UNC13A: variants seen among roughly 807,000 people sequenced by gnomAD.
UNC13A encodes the protein unc-13 homolog A.
In UNC13A, 61 loss-of-function variants were observed where a neutral mutation model predicts 219.7. That is an observed-to-expected ratio of 0.28 (90% CI 0.23 to 0.34). The LOEUF is 0.34. UNC13A is among the 10% of genes least tolerant of loss of function. The probability of loss-of-function intolerance (pLI) is 1.00; values close to 1 mark genes in which losing one functional copy is unlikely to be tolerated. For synonymous variants in UNC13A, 920 were observed against 884.6 expected, an observed-to-expected ratio of 1.04 and a Z score of -0.71; for missense variants, 1,476 against 2,270.3, an observed-to-expected ratio of 0.65 and a Z score of 7.11.
chr19:17,632,759 T>A, intron 28 of UNC13A, 23 bp downstream of exon 28: 1 of 1,613,330 alleles, frequency 6.2e-7, no homozygotes, highest in African/African-American at 1.3e-5. Flanking sequence ...TGGCTTGGGT[T>A]GGGCCTGGGG....
chr19:17,629,398 C>A, intron 30 of UNC13A, 75 bp from the exon 31 acceptor site: 1 of 1,362,352 alleles, frequency 7.3e-7, no homozygotes. Context: ...ATCAAGGCCA[C>A]TAGTGAGATC....
chr19:17,627,589 A>G lies in UNC13A; in HGVS notation c.3840T>C (p.Ala1280=). 6.4e-7 allele frequency: 1 copy of G among 1,559,288 alleles called. No homozygotes were observed. Among genetic ancestry groups the G allele is most frequent in the Non-Finnish European group, 8.7e-7 (1 of 1,150,532 alleles). ...GCTCCTTCAGGATGTCACTGGCTTCAGCATCCAGCTAAGGAGGGAGAAGGG... is the reference window on the plus strand; with the variant it reads ...GCTCCTTCAGGATGTCACTGGCTTCGGCATCCAGCTAAGGAGGGAGAAGGG... ...FEAMGGKELD[A]EASDILKELQ... is the part of the protein sequence containing the mutation. Residue 1280 remains alanine, a synonymous_variant, in exon 33 of 44, where the codon GCT becomes GCC. Coordinates refer to ENST00000519716, the MANE Select transcript of UNC13A (RefSeq NM_001080421.3). This position sits in a 1 kb window ranked among gnomAD's most constrained non-coding sequence, Gnocchi z 4.7.
At chr19:17,609,649 C>T (rs2076580663) in intron 43 of UNC13A, among the ~76,000 whole-genome samples, 1 of 152,122 alleles carries the variant, frequency 6.6e-6, no homozygotes, top group African/African-American at 2.4e-5. Flanking sequence ...GCACTTCCTG[C>T]CCAGACTTTC....
chr19:17,660,143 C>A (rs1052287701), intron 8 of UNC13A, among the ~76,000 whole-genome samples: 1 of 152,164 alleles, frequency 6.6e-6, no homozygotes, highest in African/African-American at 2.4e-5. Context: ...CTCAAGCGAT[C>A]CTCCCGCCTC....
intron 11 of UNC13A, among the ~76,000 whole-genome samples, chr19:17,653,597 C>T (rs2079393087): frequency 6.6e-6 from 1 of 152,008 alleles, no homozygotes; most frequent in African/African-American, 2.4e-5. Flanking sequence ...GATCCACCCA[C>T]CTCTGCCTCC....
chr19:17,653,544 T>TA (rs1330326936), intron 11 of UNC13A, among the ~76,000 whole-genome samples: 1 of 152,082 alleles, frequency 6.6e-6, no homozygotes, highest in East Asian at 1.9e-4. Flanking sequence ...AGGTGGGGTT[T>TA]CACTATGTTG....
Position 17,656,244 on chromosome 19 carries a change from C to T in UNC13A, c.922G>A (p.Val308Ile), listed in dbSNP as rs2079450861. The T allele has an allele frequency of 6.4e-7, 1 of 1,552,132 alleles. No individual in the cohort carries two copies. Among genetic ancestry groups the T allele is most frequent in the Non-Finnish European group, 8.7e-7 (1 of 1,147,122 alleles). Residue 308 changes from valine (V) to isoleucine (I), a missense_variant, in exon 10 of 44, where the codon GTC (valine) becomes ATC (isoleucine). Val to Ile is a conservative substitution (Grantham distance 29). Around this residue, in one of 14 missense-constraint regions of UNC13A, gnomAD observed 351 missense variants for 342.6 expected, o/e 1.02. Coordinates refer to ENST00000519716, the MANE Select transcript of UNC13A (RefSeq NM_001080421.3). ...CGAGGCGAGTCTTTGTGGTAGCTGA[C>T]CGAGCTGTGGCAGGAGTGGTAGGAG... ...RDSYHSCHSS[V>I]SYHKDSPRWD... is the part of the protein sequence containing the mutation.
chr19:17,644,523 G>C (rs139290384), intron 19 of UNC13A, among the ~76,000 whole-genome samples: 1 of 99,156 alleles, frequency 1.0e-5, no homozygotes, highest in Admixed American at 1.2e-4. Flanking sequence ...TTTTTCTTTT[G>C]TTTTTTTTTT....
chr19:17,636,080 G>A lies in UNC13A; in HGVS notation c.3159C>T (p.Thr1053=), dbSNP rs767158488. 5.6e-6 allele frequency: 9 copies of A among 1,612,408 alleles called. No homozygotes were observed. The Admixed American group carries it at 1.2e-4, about 21-fold the overall frequency. The change falls in exon 26 of 44, where the codon ACC becomes ACT. Residue 1053 remains threonine (T), a synonymous_variant. Coordinates refer to ENST00000519716, the MANE Select transcript of UNC13A (RefSeq NM_001080421.3). ...CTTCCTCAATGATGGACACTATGAG[G>A]GTAATCAGCTTGGACCAGAAGTCGA... ...KNLDFWSKLI[T]LIVSIIEEDK...
rs1160888474 is a variant in UNC13A at position 17,626,356 on chromosome 19, T to A, written c.4073+277A>T. 7.8e-6 allele frequency: 3 copies of A among 383,158 alleles called. No individual in the cohort carries two copies. The Admixed American group carries it at 1.3e-4, about 16-fold the overall frequency. The allele number at this position is 383,158 out of a possible 1,614,324, so 23.7% of individuals were successfully genotyped here. ...ATCCTCCCTCTATCCTTCTAAACATTTATCTTTTAATCCATGCGTCCACCC... is the reference window on the plus strand; with the variant it reads ...ATCCTCCCTCTATCCTTCTAAACATATATCTTTTAATCCATGCGTCCACCC... On this transcript the variant is annotated intron_variant, in intron 34 of 43. Coordinates refer to ENST00000519716, the MANE Select transcript of UNC13A (RefSeq NM_001080421.3).
intron 17 of UNC13A, 131 bp from the exon 18 acceptor site, chr19:17,646,242 G>GTGCC: frequency 7.9e-7 from 1 of 1,266,900 alleles, no homozygotes; most frequent in Non-Finnish European, 1.1e-6. Flanking sequence ...GGCAGGGCAC[G>GTGCC]CTGGGCTTGC....
At chr19:17,683,660 AAAAC>A (rs151027580) in intron 1 of UNC13A, among the ~76,000 whole-genome samples, 23 of 151,954 alleles carry the variant, frequency 1.5e-4, no homozygotes, top group Admixed American at 3.3e-4. Flanking sequence ...CGTGTCTCAA[AAAAC>A]AAACAAACAA....
chr19:17,604,863 C>T lies in UNC13A; in HGVS notation c.*1191G>A, dbSNP rs1261358931. The stretch of plus-strand genomic sequence containing the variant: ...TCACTGTGTCACTGTGTTTGTGTTT[C>T]TCTCTCTCTCATTCTCTTTCTCTCA... On this transcript the variant is annotated 3_prime_UTR_variant, in exon 44 of 44. Coordinates refer to ENST00000519716, the MANE Select transcript of UNC13A (RefSeq NM_001080421.3). 6.6e-6 allele frequency: 1 copy of T among 152,160 alleles called. No homozygotes were observed. The highest frequency in any genetic ancestry group is 2.4e-5 in the African/African-American group (1 of 41,388). The allele number at this position is 152,160 out of a possible 1,614,324, so 9.4% of individuals were successfully genotyped here.
At chr19:17,633,244 A>T in intron 26 of UNC13A, 51 bp from the exon 27 acceptor site, 1 of 1,563,678 alleles carries the variant, frequency 6.4e-7, no homozygotes, top group African/African-American at 1.4e-5. Flanking sequence ...GGCAGATGGG[A>T]TGGGCTGCTT....
intron 20 of UNC13A, among the ~76,000 whole-genome samples, chr19:17,642,032 A>ACATCCATCCATCCATC (rs56041637): frequency 0.3 from 45,128 of 150,188 alleles, 7,126 homozygotes; most frequent in South Asian, 0.36. Context: ...ATCTGCCTAT[A>ACATCCATCCATCCATC]CATCCATCCA....
In UNC13A at chr19:17,665,580, G is replaced by A. The variant is rs184031445; in HGVS notation, c.523+1070C>T. On this transcript the variant is annotated intron_variant, in intron 7 of 43. Coordinates refer to ENST00000519716, the MANE Select transcript of UNC13A (RefSeq NM_001080421.3). Reference sequence around the variant, plus strand: ...TCAAATCCTGGCTCTGCCAGTTGCCGGGTGTGTGGCCTTGGGTAAATCACA... The same window carrying A: ...TCAAATCCTGGCTCTGCCAGTTGCCAGGTGTGTGGCCTTGGGTAAATCACA... Among the ~76,000 whole-genome samples, 47 of 152,274 alleles carry A rather than the reference G, an allele frequency of 3.1e-4. No homozygotes were observed. In the East Asian group the frequency reaches 3.9e-3, roughly 12 times the overall value.
chr19:17,612,357 C>T (rs1161256614), intron 41 of UNC13A, among the ~76,000 whole-genome samples: 1 of 152,146 alleles, frequency 6.6e-6, no homozygotes, highest in African/African-American at 2.4e-5. Flanking sequence ...TTCACTTCCT[C>T]CCTAGGTGCC....
At chr19:17,641,579 G>C in intron 20 of UNC13A, 23 bp from the exon 21 acceptor site, 1 of 1,612,648 alleles carries the variant, frequency 6.2e-7, no homozygotes, top group Non-Finnish European at 8.5e-7. Context: ...GAGAGAAAGT[G>C]TCATGGAGAG....
intron 38 of UNC13A, among the ~76,000 whole-genome samples, chr19:17,620,398 C>T (rs906076585): frequency 4.6e-5 from 7 of 152,130 alleles, no homozygotes; most frequent in African/African-American, 1.4e-4. Context: ...TCCTGAGGTT[C>T]TTACAAGGCA....
Sources: allele counts gnomAD v4.1 joint callset (sites outside exome capture counted in the v4.1 genomes callset), GRCh38; gene constraint gnomAD v4.1.1; regional missense constraint gnomAD v4.1.1; non-coding constraint Gnocchi (gnomAD v3.1); transcripts MANE v1.5; gene names NCBI Gene and HGNC (gene_info 2026-07-23, HGNC 2026-07-21).